EYS: variants seen among roughly 807,000 people sequenced by gnomAD.
The protein encoded by EYS is protein eyes shut homolog.
EYS carries 250 observed loss-of-function variants against 282.1 expected under a neutral mutation model. That is an observed-to-expected ratio of 0.89 (90% confidence interval 0.80 to 0.98). The LOEUF (loss-of-function observed/expected upper bound fraction) is 0.98, where lower values mean the gene tolerates loss of function less well. EYS is among the 50% of genes least tolerant of loss of function. The pLI, the probability that EYS is intolerant of heterozygous loss-of-function variation, is 0.00. For synonymous variants in EYS, 1,355 were observed against 1,282.9 expected, an observed-to-expected ratio of 1.06 and a Z score of -1.20; for missense variants, 4,016 against 3,709.0, an observed-to-expected ratio of 1.08 and a Z score of -2.15.
At chr6:64,329,424 A>G (rs1561933081) in intron 29 of EYS, among the ~76,000 whole-genome samples, 1 of 152,142 alleles carries the variant, frequency 6.6e-6, no homozygotes, top group Non-Finnish European at 1.5e-5. Context: ...CATCATAATG[A>G]CGCTTACTGT....
chr6:65,637,659 C>A (rs1767137036), intron 2 of EYS, among the ~76,000 whole-genome samples: 1 of 152,228 alleles, frequency 6.6e-6, no homozygotes, highest in South Asian at 2.1e-4. Flanking sequence ...CCACTTCCAG[C>A]ACCCACTCTG....
chr6:64,133,469 C>T (rs1184892941), intron 31 of EYS, among the ~76,000 whole-genome samples: 5 of 139,240 alleles, frequency 3.6e-5, no homozygotes, highest in African/African-American at 1.3e-4. Context: ...CTTTCTTTTG[C>T]ATTACTTCAC....
At chr6:65,462,187 T>C (rs1318741875) in intron 5 of EYS, among the ~76,000 whole-genome samples, 3 of 152,118 alleles carry the variant, frequency 2.0e-5, no homozygotes, top group Non-Finnish European at 4.4e-5. Context: ...CTCAAAGATA[T>C]GCTGAGTGAA....
intron 31 of EYS, among the ~76,000 whole-genome samples, chr6:64,220,430 G>A (rs1373862585): frequency 6.6e-6 from 1 of 152,100 alleles, no homozygotes; most frequent in Admixed American, 6.6e-5. Context: ...CTAATCTGCA[G>A]GTAGATCAAT....
intron 31 of EYS, among the ~76,000 whole-genome samples, chr6:64,101,737 C>A (rs1429320107): frequency 2.0e-5 from 3 of 151,836 alleles, no homozygotes; most frequent in Non-Finnish European, 4.4e-5. Flanking sequence ...ATGATTCAAG[C>A]CCATTACGTT....
intron 26 of EYS, among the ~76,000 whole-genome samples, chr6:64,508,402 T>C (rs1336474696): frequency 5.3e-5 from 8 of 151,958 alleles, no homozygotes; most frequent in Non-Finnish European, 1.2e-4. Context: ...CAATGTTAAA[T>C]ATGCAGTTGT....
chr6:63,921,989 A>C (rs990041722), intron 35 of EYS, among the ~76,000 whole-genome samples: 2 of 152,216 alleles, frequency 1.3e-5, no homozygotes, highest in Non-Finnish European at 2.9e-5. Context: ...TAACCTAATA[A>C]GACTGTGGCC....
At chr6:64,045,437 A>ATTTAT (rs1157865615) in intron 33 of EYS, among the ~76,000 whole-genome samples, 7 of 108,218 alleles carry the variant, frequency 6.5e-5, no homozygotes, top group African/African-American at 1.4e-4. Context: ...ATTTTATTTT[A>ATTTAT]TTTATTTTAT....
At chr6:64,167,527 T>C (rs1764331218) in intron 31 of EYS, among the ~76,000 whole-genome samples, 2 of 152,286 alleles carry the variant, frequency 1.3e-5, no homozygotes, top group South Asian at 2.1e-4. Context: ...AGTCCCAAAG[T>C]TCTCAGACTA....
At chr6:65,055,842 A>G (rs377306780) in intron 13 of EYS, among the ~76,000 whole-genome samples, 6 of 152,092 alleles carry the variant, frequency 3.9e-5, no homozygotes, top group African/African-American at 1.4e-4. Flanking sequence ...TGTTGATGTT[A>G]ACCTTGGTCC....
At chr6:64,563,431 G>C (rs1251937774) in intron 26 of EYS, among the ~76,000 whole-genome samples, 1 of 151,948 alleles carries the variant, frequency 6.6e-6, no homozygotes, top group African/African-American at 2.4e-5. Context: ...GCTGTATAGA[G>C]AAATCTCATG....
chr6:65,319,727 G>A (rs1200163701), intron 11 of EYS, among the ~76,000 whole-genome samples: 2 of 152,138 alleles, frequency 1.3e-5, no homozygotes, highest in East Asian at 1.9e-4. Flanking sequence ...GAATGACGCC[G>A]CTTTGCTAGG....
chr6:64,108,850 G>A (rs1163901133), intron 31 of EYS, among the ~76,000 whole-genome samples: 2 of 151,956 alleles, frequency 1.3e-5, no homozygotes, highest in Admixed American at 1.3e-4. Context: ...TGTCTAACAT[G>A]TTTTGAACTC....
chr6:64,402,706 A>G (rs1394424370), intron 28 of EYS, among the ~76,000 whole-genome samples: 3 of 152,236 alleles, frequency 2.0e-5, no homozygotes, highest in African/African-American at 4.8e-5. Flanking sequence ...TGAATTCAAT[A>G]TTAAAAATAC....
At chr6:64,729,893 G>C (rs1354874130) in intron 22 of EYS, among the ~76,000 whole-genome samples, 1 of 152,162 alleles carries the variant, frequency 6.6e-6, no homozygotes, top group Non-Finnish European at 1.5e-5. Context: ...TAAAATAGTT[G>C]TACAGGTGAA....
At chr6:64,991,694 T>C (rs906947583) in intron 14 of EYS, among the ~76,000 whole-genome samples, 7 of 151,646 alleles carry the variant, frequency 4.6e-5, no homozygotes, top group African/African-American at 1.5e-4. Flanking sequence ...ATAGAATAAA[T>C]AGACTTTATT....
At chr6:65,384,646 C>T in intron 7 of EYS, 146 bp from the exon 8 acceptor site, 1 of 574,410 alleles carries the variant, frequency 1.7e-6, no homozygotes, top group East Asian at 2.9e-5. Flanking sequence ...TGATCTTAGC[C>T]AAAAAGCTCC....
intron 35 of EYS, among the ~76,000 whole-genome samples, chr6:63,945,948 A>G (rs1186062800): frequency 6.6e-6 from 1 of 152,196 alleles, no homozygotes. Flanking sequence ...TCCTGAACCT[A>G]CGAATAAAAC....
chr6:65,099,272 AAG>A (rs944763860), intron 12 of EYS, among the ~76,000 whole-genome samples: 5 of 150,792 alleles, frequency 3.3e-5, no homozygotes, highest in African/African-American at 7.2e-5. Flanking sequence ...GAAAATAATA[AAG>A]AGAGTGTCAT....
Sources: allele counts gnomAD v4.1 joint callset (sites outside exome capture counted in the v4.1 genomes callset), GRCh38; gene constraint gnomAD v4.1.1; transcripts MANE v1.5; gene names NCBI Gene and HGNC (gene_info 2026-07-23, HGNC 2026-07-21).